Variants in LRMDA observed in about 807,000 individuals in gnomAD.
LRMDA encodes the protein leucine rich melanocyte differentiation associated, also known as leucine-rich melanocyte differentiation-associated protein.
Under a neutral mutation model 29.8 loss-of-function variants are expected in LRMDA, and 18 were observed. The observed-to-expected ratio is 0.60, with a 90% CI of 0.42 to 0.90. The LOEUF is 0.90. Among genes scored for constraint, LRMDA ranks in the 40% least tolerant of loss-of-function variants. The probability of loss-of-function intolerance (pLI) is 0.00; values close to 1 mark genes in which losing one functional copy is unlikely to be tolerated. For synonymous variants in LRMDA, 125 were observed against 109.4 expected (o/e 1.14, Z -0.89); for missense variants, 273 against 273.9 (o/e 1.00, Z 0.02).
intron 5 of LRMDA, among the ~76,000 whole-genome samples, chr10:76,105,409 C>A (rs1363380714): frequency 7.0e-6 from 1 of 142,086 alleles, no homozygotes; most frequent in Non-Finnish European, 1.5e-5. Flanking sequence ...TGAATGTGGG[C>A]TTATTTGGGG....
intron 5 of LRMDA, among the ~76,000 whole-genome samples, chr10:76,060,360 G>A (rs1438457298): frequency 6.6e-6 from 1 of 152,174 alleles, no homozygotes; most frequent in African/African-American, 2.4e-5. Context: ...TCTGGATGGG[G>A]CACTCAGTGC....
At chr10:76,273,943 A>G (rs1480589165) in intron 5 of LRMDA, among the ~76,000 whole-genome samples, 2 of 152,122 alleles carry the variant, frequency 1.3e-5, no homozygotes, top group Non-Finnish European at 2.9e-5. Context: ...ATTTTCTTTT[A>G]TGGATTTTTA....
chr10:76,198,773 T>C (rs1474556515), intron 5 of LRMDA, among the ~76,000 whole-genome samples: 9 of 152,220 alleles, frequency 5.9e-5, no homozygotes, highest in African/African-American at 2.2e-4. Context: ...GGTGTTCTTT[T>C]TCCTCATTCC....
At chr10:75,880,433 C>G (rs1393590165) in intron 2 of LRMDA, among the ~76,000 whole-genome samples, 2 of 152,162 alleles carry the variant, frequency 1.3e-5, no homozygotes, top group Admixed American at 1.3e-4. Context: ...TGTGTAAGCC[C>G]TAAAACATTT....
At chr10:75,715,748 T>C (rs1487443943) in intron 2 of LRMDA, among the ~76,000 whole-genome samples, 17 of 152,154 alleles carry the variant, frequency 1.1e-4, no homozygotes, top group Admixed American at 1.1e-3. Context: ...GTTTTTTAAA[T>C]GACTGAGAGT....
chr10:76,546,114 A>G (rs1374784093), intron 6 of LRMDA, among the ~76,000 whole-genome samples: 1 of 152,222 alleles, frequency 6.6e-6, no homozygotes, highest in African/African-American at 2.4e-5. Flanking sequence ...GGGATGTATA[A>G]TAAATGCTGG....
At chr10:75,952,883 T>C (rs1330479908) in intron 2 of LRMDA, among the ~76,000 whole-genome samples, 1 of 152,028 alleles carries the variant, frequency 6.6e-6, no homozygotes, top group Admixed American at 6.6e-5. Context: ...GTCTCCCAAG[T>C]AGCTGGGATT....
chr10:75,868,237 G>A (rs1319283442), intron 2 of LRMDA, among the ~76,000 whole-genome samples: 6 of 152,130 alleles, frequency 3.9e-5, no homozygotes, highest in African/African-American at 1.4e-4. Context: ...AGAGTGGATG[G>A]GAATGAAGAC....
chr10:76,265,491 C>A (rs1221216139), intron 5 of LRMDA, among the ~76,000 whole-genome samples: 1 of 152,178 alleles, frequency 6.6e-6, no homozygotes. Context: ...GACACAGGGA[C>A]CTGTGCCCTT....
chr10:76,093,718 C>T (rs1266333123), intron 5 of LRMDA, among the ~76,000 whole-genome samples: 1 of 152,158 alleles, frequency 6.6e-6, no homozygotes, highest in East Asian at 1.9e-4. Context: ...CTTTATGTGG[C>T]CCTCACCAGG....
At chr10:75,662,327 T>C (rs928944912) in intron 2 of LRMDA, among the ~76,000 whole-genome samples, 25 of 152,208 alleles carry the variant, frequency 1.6e-4, no homozygotes, top group Admixed American at 1.3e-4. Context: ...TAAGGGAAGC[T>C]GAGTAGATCA....
At chr10:76,311,697 C>T (rs556935024) in intron 5 of LRMDA, among the ~76,000 whole-genome samples, 4 of 152,070 alleles carry the variant, frequency 2.6e-5, no homozygotes, top group African/African-American at 7.2e-5. Context: ...TTGGGTAGGT[C>T]GCCTCATTAA....
intron 5 of LRMDA, among the ~76,000 whole-genome samples, chr10:76,300,627 C>T (rs959100517): frequency 2.0e-5 from 3 of 152,222 alleles, no homozygotes; most frequent in African/African-American, 4.8e-5. Flanking sequence ...AGACGCTAGG[C>T]TGTTTTGTTT....
At chr10:76,320,096 A>G (rs1234068540) in intron 5 of LRMDA, among the ~76,000 whole-genome samples, 1 of 152,244 alleles carries the variant, frequency 6.6e-6, no homozygotes, top group East Asian at 1.9e-4. Flanking sequence ...CAGTTTTGGT[A>G]ATCACCGAGT....
At chr10:75,832,418 T>A (rs976109456) in intron 2 of LRMDA, among the ~76,000 whole-genome samples, 1 of 152,290 alleles carries the variant, frequency 6.6e-6, no homozygotes, top group South Asian at 2.1e-4. Context: ...TCAGCCTGGA[T>A]TGCATTGTCC....
At chr10:75,476,381 T>A (rs958211679) in intron 2 of LRMDA, among the ~76,000 whole-genome samples, 1 of 152,156 alleles carries the variant, frequency 6.6e-6, no homozygotes, top group Non-Finnish European at 1.5e-5. Flanking sequence ...CCCAACTGTT[T>A]GCAGACTCAG....
At chr10:75,820,012 CA>C in intron 2 of LRMDA, among the ~76,000 whole-genome samples, 1 of 152,106 alleles carries the variant, frequency 6.6e-6, no homozygotes, top group Non-Finnish European at 1.5e-5. Context: ...TGCCCAGAAT[CA>C]TAAATAATAT....
intron 2 of LRMDA, among the ~76,000 whole-genome samples, chr10:75,773,515 C>T (rs1234724957): frequency 6.6e-6 from 1 of 152,088 alleles, no homozygotes; most frequent in Non-Finnish European, 1.5e-5. Flanking sequence ...CTGGGGGACG[C>T]CAATGAAGCT....
chr10:75,482,913 A>C lies in LRMDA; in HGVS notation c.131+44419A>C, dbSNP rs2132054271. 2.6e-5 allele frequency among the ~76,000 whole-genome samples: 4 copies of C among 152,162 alleles called. No homozygotes were observed. In the South Asian group the frequency reaches 8.3e-4, roughly 32 times the overall value. ...ATCTCGAAGCAAAAATATGTTAATC[A>C]CATTTTCAGCTTAGTTAACCTTTCC... is the stretch of plus-strand genomic sequence containing the variant. On this transcript the variant is annotated intron_variant, in intron 2 of 6. Transcript: ENST00000611255.
Sources: allele counts gnomAD v4.1 joint callset (sites outside exome capture counted in the v4.1 genomes callset), GRCh38; gene constraint gnomAD v4.1.1; transcripts MANE v1.5; gene names NCBI Gene and HGNC (gene_info 2026-07-23, HGNC 2026-07-21).